Variants in ZNF57 observed in about 807,000 individuals in gnomAD.
ZNF57 encodes the protein zinc finger protein 424.
ZNF57 carries 11 observed loss-of-function variants against 13.4 expected under a neutral mutation model. The observed-to-expected ratio is 0.82, with a 90% CI of 0.52 to 1.36. ZNF57 has a LOEUF of 1.36. Among genes scored for constraint, ZNF57 ranks in the 40% most tolerant of loss-of-function variants. The probability of loss-of-function intolerance (pLI) is 0.00; values close to 1 mark genes in which losing one functional copy is unlikely to be tolerated. For synonymous variants in ZNF57, 224 were observed against 238.5 expected (o/e 0.94, Z 0.56); for missense variants, 696 against 667.5 (o/e 1.04, Z -0.47).
At chr19:2,915,394 C>G (rs1278538169) in intron 1 of ZNF57, 128 bp from the exon 2 acceptor site, 25 of 1,265,310 alleles carry the variant, frequency 2.0e-5, no homozygotes, top group East Asian at 1.7e-4. Flanking sequence ...AGTAAAAGAT[C>G]TAACATTCGC....
Position 2,908,519 on chromosome 19 carries a change from A to G in ZNF57, c.4-7003A>G, listed in dbSNP as rs576026425. Among the ~76,000 whole-genome samples, 9 of 129,962 alleles carry G rather than the reference A, an allele frequency of 6.9e-5. No individual in the cohort carries two copies. In the South Asian group the frequency reaches 2.1e-3, roughly 31 times the overall value. 85.3% of individuals were successfully genotyped at this position (129,962 alleles called of 152,430 possible). A position where few individuals can be genotyped will look rare whatever the true frequency, so the allele number is the denominator to read the frequency against. On this transcript the variant is annotated intron_variant, in intron 1 of 3. Transcript: ENST00000306908. The stretch of plus-strand genomic sequence containing the variant: ...TCTGTCGCCCAGGCTGGAGTGCAGT[A>G]GCGCGCACTCGAAGCTCCGCCTCCC...
Position 2,918,411 on chromosome 19 carries a change from T to C in ZNF57, c.*122T>C. 9.4e-7 allele frequency: 1 copy of C among 1,063,878 alleles called. No homozygotes were observed. Among genetic ancestry groups the C allele is most frequent in the Non-Finnish European group, 1.3e-6 (1 of 753,768 alleles). 65.9% of individuals were successfully genotyped at this position (1,063,878 alleles called of 1,614,324 possible). On this transcript the variant is annotated 3_prime_UTR_variant, in exon 4 of 4. Transcript: ENST00000306908. The stretch of plus-strand genomic sequence containing the variant: ...ATTGTCTTTGTCAATACCTCATTTG[T>C]AAAACAGACCCATTAGTCGTGAATT...
At chr19:2,906,149 A>G (rs7507704) in intron 1 of ZNF57, among the ~76,000 whole-genome samples, 121,622 of 152,010 alleles carry the variant, frequency 0.8, 49,483 homozygotes, top group Non-Finnish European at 0.88. Flanking sequence ...AAACTCCTGC[A>G]CTCAAGCGAT....
Position 2,904,378 on chromosome 19 carries a change from A to G in ZNF57, c.3+3330A>G, listed in dbSNP as rs375200193. 1.7e-4 allele frequency among the ~76,000 whole-genome samples: 26 copies of G among 151,512 alleles called. 1 individual carries two copies. Among genetic ancestry groups the G allele is most frequent in the Admixed American group, 9.8e-4 (15 of 15,230 alleles). ...ATTTTTAGAGACAAGGTCTTGTTCT[A>G]TTGCCCAAGCTGGAGTGCAGTGGTG... On this transcript the variant is annotated intron_variant, in intron 1 of 3. Transcript: ENST00000306908.
intron 1 of ZNF57, among the ~76,000 whole-genome samples, chr19:2,908,666 G>A (rs1437278968): frequency 6.6e-6 from 1 of 151,938 alleles, no homozygotes; most frequent in East Asian, 1.9e-4. Context: ...GCCTCCCAAA[G>A]TGCTGGGATG....
intron 1 of ZNF57, among the ~76,000 whole-genome samples, chr19:2,907,453 C>T (rs1483757489): frequency 6.6e-6 from 1 of 152,186 alleles, no homozygotes; most frequent in Non-Finnish European, 1.5e-5. Context: ...GCCAGCTACC[C>T]TCTTGCACTT....
At chr19:2,914,671 G>A (rs761961312) in intron 1 of ZNF57, among the ~76,000 whole-genome samples, 3 of 152,196 alleles carry the variant, frequency 2.0e-5, no homozygotes, top group Non-Finnish European at 4.4e-5. Context: ...TATCAGATGA[G>A]CTTCGGGTTT....
At chr19:2,901,128 CGG>C (rs1430714983) in intron 1 of ZNF57, 80 bp downstream of exon 1, 1 of 764,440 alleles carries the variant, frequency 1.3e-6, no homozygotes, top group African/African-American at 1.8e-5. Context: ...CCGAAGTCTG[CGG>C]CCGGGATTGG....
In ZNF57 at chr19:2,918,263, TC is replaced by T; in HGVS notation, c.1643del (p.Ser548LeufsTer22). The T allele has an allele frequency of 6.2e-7, 1 of 1,610,010 alleles. No individual in the cohort carries two copies. Among genetic ancestry groups the T allele is most frequent in the Non-Finnish European group, 8.5e-7 (1 of 1,177,506 alleles). On this transcript the variant is annotated frameshift_variant, in exon 4 of 4. Coordinates refer to ENST00000306908, the MANE Select transcript of ZNF57 (RefSeq NM_173480.3). LOFTEE classifies it low-confidence loss of function (END_TRUNC). The stretch of plus-strand genomic sequence containing the variant: ...AGCCTTCAGTTGCCAAGTCATTCTT[TC>T]TAAAACCAGTGAGAGCACACACTAA... ...SKAFSCQVILSKTSESTH is the reference protein window; with the variant it reads ...SKAFSCQVILXKTSESTH
intron 1 of ZNF57, among the ~76,000 whole-genome samples, chr19:2,909,304 A>G (rs1434607605): frequency 6.7e-5 from 5 of 74,468 alleles, no homozygotes; most frequent in East Asian, 4.3e-4. Context: ...TTTTTGAGAC[A>G]GAGTCTCGCT....
At chr19:2,911,714 TCA>T (rs1363108838) in intron 1 of ZNF57, among the ~76,000 whole-genome samples, 1 of 152,138 alleles carries the variant, frequency 6.6e-6, no homozygotes, top group Non-Finnish European at 1.5e-5. Flanking sequence ...GTCTTCAGGC[TCA>T]GAGTCTTTCC....
intron 1 of ZNF57, among the ~76,000 whole-genome samples, chr19:2,903,974 G>C (rs547128799): frequency 1.3e-5 from 2 of 151,284 alleles, no homozygotes; most frequent in Non-Finnish European, 3.0e-5. Flanking sequence ...CTCAGCCTCC[G>C]AAAGTGCTGG....
chr19:2,917,438 A>T lies in ZNF57; in HGVS notation c.817A>T (p.Thr273Ser). The change falls in exon 4 of 4, where the codon ACA becomes TCA. Residue 273 changes from threonine to serine, a missense_variant. Thr to Ser is a moderately conservative substitution (Grantham distance 58). Transcript: ENST00000306908. ...YPSTFQRHMT[T>S]HTGEKPYKCQ... ...CTCGACATTTCAAAGACACATGACA[A>T]CACACACTGGAGAGAAGCCCTATAA... The T allele has an allele frequency of 6.2e-7, 1 of 1,614,194 alleles. No individual in the cohort carries two copies.
chr19:2,915,376 T>G (rs1451120903), intron 1 of ZNF57, 146 bp from the exon 2 acceptor site: 4 of 1,090,528 alleles, frequency 3.7e-6, no homozygotes, highest in Non-Finnish European at 3.9e-6. Context: ...AGGAAGTGAT[T>G]GTGAATAAGT....
At chr19:2,905,711 G>C (rs2088069325) in intron 1 of ZNF57, among the ~76,000 whole-genome samples, 1 of 145,434 alleles carries the variant, frequency 6.9e-6, no homozygotes, top group South Asian at 2.2e-4. Context: ...GTTGCAGTGA[G>C]CTGAGATTGC....
intron 1 of ZNF57, among the ~76,000 whole-genome samples, chr19:2,905,451 GAGCC>G (rs1199410857): frequency 7.6e-6 from 1 of 132,404 alleles, no homozygotes; most frequent in Non-Finnish European, 1.6e-5. Context: ...TTACAGGCGT[GAGCC>G]ACTGCACCTG....
intron 1 of ZNF57, among the ~76,000 whole-genome samples, chr19:2,908,462 T>TTA (rs386388390): frequency 6.8e-4 from 2 of 2,962 alleles, no homozygotes; most frequent in African/African-American, 1.0e-3. Context: ...ATTTTTTTGG[T>TTA]TTTTTTTTTT....
chr19:2,901,554 C>A (rs2088030457), intron 1 of ZNF57, among the ~76,000 whole-genome samples: 1 of 152,018 alleles, frequency 6.6e-6, no homozygotes, highest in Non-Finnish European at 1.5e-5. Context: ...CGGAGTCCCG[C>A]TCTGTCGCCA....
At chr19:2,908,549 A>G (rs976863437) in intron 1 of ZNF57, among the ~76,000 whole-genome samples, 2 of 142,450 alleles carry the variant, frequency 1.4e-5, no homozygotes, top group African/African-American at 5.4e-5. Flanking sequence ...CCTCCCCAGT[A>G]GCTGGGACTA....
Sources: gnomAD v4.1 joint callset for allele counts (sites outside exome capture counted in the v4.1 genomes callset) on GRCh38, gnomAD v4.1.1 for gene constraint, MANE v1.5 for transcripts, NCBI Gene and HGNC (gene_info 2026-07-23, HGNC 2026-07-21) for gene names.